OGFR: variants seen among roughly 807,000 people sequenced by gnomAD.
OGFR encodes protein 7-60.
In OGFR, 18 loss-of-function variants were observed where a neutral mutation model predicts 33.6. The ratio of observed to expected loss-of-function variants is 0.54; its 90% confidence interval spans 0.37 to 0.80. OGFR has a LOEUF of 0.80. OGFR is among the 30% of genes least tolerant of loss of function. The pLI is 0.00. For synonymous variants in OGFR, 370 were observed against 400.7 expected, an observed-to-expected ratio of 0.92 and a Z score of 0.91; for missense variants, 877 against 955.8, an observed-to-expected ratio of 0.92 and a Z score of 1.09.
chr20:62,811,091 G>A (rs1017870091), intron 5 of OGFR, among the ~76,000 whole-genome samples: 13 of 152,252 alleles, frequency 8.5e-5, no homozygotes, highest in Admixed American at 3.3e-4. Context: ...GCTAGGTGCC[G>A]TGGCTCACGT....
intron 1 of OGFR, chr20:62,805,328 T>C (rs1990562662): frequency 4.9e-6 from 1 of 205,442 alleles, no homozygotes; most frequent in African/African-American, 2.3e-5. Flanking sequence ...CCGCCCCTGA[T>C]GGAACCCCTC....
chr20:62,805,194 C>T (rs1990558464), intron 1 of OGFR, among the ~76,000 whole-genome samples, 164 bp downstream of exon 1: 2 of 151,914 alleles, frequency 1.3e-5, no homozygotes, highest in Admixed American at 1.3e-4. Context: ...GCCCCAGGGC[C>T]CGGCGGGGAA....
rs557077257 is a variant in OGFR, at chr20:62,809,525, G to T, written c.320-60G>T. 3 of 1,324,558 alleles carry T rather than the reference G, an allele frequency of 2.3e-6. No individual in the cohort carries two copies. The African/African-American group carries it at 4.3e-5, about 19-fold the overall frequency. 82.1% of individuals were successfully genotyped at this position (1,324,558 alleles called of 1,614,324 possible). A position where few individuals can be genotyped will look rare whatever the true frequency, so the allele number is the denominator to read the frequency against. The stretch of plus-strand genomic sequence containing the variant: ...TCCTTATGTCCCCCACCCACACCCC[G>T]TCCTCCTGAGCACGGGCAGGGTGGC... On this transcript the variant is annotated intron_variant, in intron 3 of 6. Transcript: ENST00000290291.
chr20:62,811,387 C>A, intron 5 of OGFR, 75 bp from the exon 6 acceptor site: 1 of 1,536,668 alleles, frequency 6.5e-7, no homozygotes, highest in Non-Finnish European at 8.9e-7. Context: ...TGAGTCGGGA[C>A]CCACGGCCAC....
Position 62,812,296 on chromosome 20 carries a change from C to G in OGFR, c.681C>G (p.His227Gln), listed in dbSNP as rs374205442. Residue 227 changes from histidine (H) to glutamine (Q), a missense_variant, in exon 7 of 7, where the codon CAC (histidine) becomes CAG (glutamine). Around this residue, in one of 3 missense-constraint regions of OGFR, gnomAD observed 760 missense variants for 736.0 expected, o/e 1.03. Transcript: ENST00000290291. ...CGCTGGGTGAGCTGGGCCTCGAGCACTTCCAGGCGCCGCTGGTCCGCTTCT... is the reference window on the plus strand; with the variant it reads ...CGCTGGGTGAGCTGGGCCTCGAGCAGTTCCAGGCGCCGCTGGTCCGCTTCT... The part of the protein sequence containing the change: ...LKSLGELGLE[H>Q]FQAPLVRFFL... 7.8e-4 allele frequency: 1,208 copies of G among 1,547,756 alleles called. 16 individuals carry two copies. In the South Asian group the frequency reaches 0.013, roughly 17 times the overall value.
At chr20:62,805,082 G>C in intron 1 of OGFR, 52 bp downstream of exon 1, 1 of 1,271,742 alleles carries the variant, frequency 7.9e-7, no homozygotes, top group Non-Finnish European at 9.9e-7. Flanking sequence ...CCCCCCGCCC[G>C]GCTGCGTGGA....
rs1321105115 is a variant in OGFR, at chr20:62,812,351, C to T, written c.736C>T (p.Leu246=). 1 of 1,559,048 alleles carries T rather than the reference C, an allele frequency of 6.4e-7. No individual in the cohort carries two copies. The highest frequency in any genetic ancestry group is 2.4e-5 in the East Asian group (1 of 41,426). ...FLEETLVRRE[L]PGVRQSALDY... ...GGAGGAGACGCTGGTGCGGCGGGAG[C>T]TGCCGGGGGTGCGGCAGAGTGCCCT... The change falls in exon 7 of 7, where the codon CTG becomes TTG. Residue 246 remains leucine (L), a synonymous_variant. Transcript: ENST00000290291.
rs143095916 is a variant in OGFR, at chr20:62,808,279, G to A, written c.273G>A (p.Thr91=). The A allele has an allele frequency of 1.9e-6, 3 of 1,613,438 alleles. No homozygotes were observed. Among genetic ancestry groups the A allele is most frequent in the South Asian group, 1.1e-5 (1 of 91,082 alleles). ...DLVERDCNGD[T]PNLSFYRNEI... is the part of the protein sequence containing the mutation. The stretch of plus-strand genomic sequence containing the variant: ...TGGAACGAGACTGCAATGGGGACAC[G>A]CCAAACCTGAGTTTCTACAGAAATG... Residue 91 remains threonine (T), a synonymous_variant, in exon 3 of 7, where the codon ACG becomes ACA. Transcript: ENST00000290291.
In OGFR at chr20:62,812,568, A is replaced by G; in HGVS notation, c.953A>G (p.Asp318Gly). ...GTGGAGGAGGAAGGAAGCCCCGGGG[A>G]CCCCGACCACGAGGCCAGCACCCAG... ...RKVEEEGSPG[D>G]PDHEASTQGR... The change falls in exon 7 of 7, where the codon GAC becomes GGC. Residue 318 changes from aspartate to glycine, a missense_variant. By Grantham distance (94) the Asp-to-Gly change is moderately conservative. This residue lies in a region of OGFR where 760 missense variants were observed against 736.0 expected (regional missense o/e 1.03). Transcript: ENST00000290291. The G allele has an allele frequency of 1.3e-6, 2 of 1,578,318 alleles. No individual in the cohort carries two copies. Among genetic ancestry groups the G allele is most frequent in the Non-Finnish European group, 1.7e-6 (2 of 1,162,588 alleles).
At chr20:62,808,494 G>C (rs1169708557) in intron 3 of OGFR, among the ~76,000 whole-genome samples, 169 bp downstream of exon 3, 1 of 152,146 alleles carries the variant, frequency 6.6e-6, no homozygotes, top group Non-Finnish European at 1.5e-5. Flanking sequence ...TCCCCGGCTT[G>C]GGATCTCCGC....
Position 62,812,669 on chromosome 20 carries a change from C to A in OGFR, c.1054C>A (p.Pro352Thr). The change falls in exon 7 of 7, where the codon CCC becomes ACC. Residue 352 changes from proline (P) to threonine (T), a missense_variant. Transcript: ENST00000290291. The part of the protein sequence containing the change: ...DEGPQPRSVE[P>T]QDAGPLERSQ... ...GGGGCCCCAGCCACGGAGCGTGGAG[C>A]CCCAGGATGCGGGACCCCTGGAGAG... 1.3e-6 allele frequency: 2 copies of A among 1,566,352 alleles called. No individual in the cohort carries two copies. Among genetic ancestry groups the A allele is most frequent in the Non-Finnish European group, 8.6e-7 (1 of 1,156,126 alleles).
In OGFR at chr20:62,812,472, G is replaced by T; in HGVS notation, c.857G>T (p.Trp286Leu). 1 of 1,578,466 alleles carries T rather than the reference G, an allele frequency of 6.3e-7. No homozygotes were observed. The highest frequency in any genetic ancestry group is 8.6e-7 in the Non-Finnish European group (1 of 1,162,544). Residue 286 changes from tryptophan (W) to leucine (L), a missense_variant, in exon 7 of 7, where the codon TGG becomes TTG. Physicochemically the swap from Trp to Leu is moderately conservative, Grantham distance 61. Coordinates refer to ENST00000290291, the MANE Select transcript of OGFR (RefSeq NM_007346.4). ...TTCCGGCCCCGCTGCAAGTTCGTCTGGGGGCCCCAAGACAAGCTGCGGAGG... is the reference window on the plus strand; with the variant it reads ...TTCCGGCCCCGCTGCAAGTTCGTCTTGGGGCCCCAAGACAAGCTGCGGAGG... ...EHFRPRCKFV[W>L]GPQDKLRRFK...
At position 62,812,233 on chromosome 20, in the gene OGFR, C is replaced by G. The variant is rs900602512; in HGVS notation, c.618C>G (p.Arg206=). 5 of 1,500,346 alleles carry G rather than the reference C, an allele frequency of 3.3e-6. No individual in the cohort carries two copies. The highest frequency in any genetic ancestry group is 4.5e-6 in the Non-Finnish European group (5 of 1,121,064). The allele number at this position is 1,500,346 out of a possible 1,614,324, so 92.9% of individuals were successfully genotyped here. A position where few individuals can be genotyped will look rare whatever the true frequency, so the allele number is the denominator to read the frequency against. Residue 206 remains arginine (R), a synonymous_variant, in exon 7 of 7, where the codon CGC becomes CGG. Transcript: ENST00000290291. ...TCCTGACCCGGATCTCTCGCAGGCG[C>G]AGCCACAACAACCTCCGCATCACAC... The part of the protein sequence containing the change: ...YQKRFQNLNW[R]SHNNLRITRI...
chr20:62,807,666 G>C, intron 2 of OGFR, 61 bp downstream of exon 2: 1 of 1,534,078 alleles, frequency 6.5e-7, no homozygotes, highest in Non-Finnish European at 9.0e-7. Flanking sequence ...TTCTCAGGCA[G>C]AATGTCCCAG....
rs1247466903 is a variant in OGFR at position 62,812,259 on chromosome 20, G to A, written c.644G>A (p.Arg215His). Residue 215 changes from arginine (R) to histidine (H), a missense_variant, in exon 7 of 7, where the codon CGC becomes CAC. Physicochemically the swap from Arg to His is conservative, Grantham distance 29. This residue lies in a region of OGFR where 760 missense variants were observed against 736.0 expected (regional missense o/e 1.03). Coordinates refer to ENST00000290291, the MANE Select transcript of OGFR (RefSeq NM_007346.4). ...AGCCACAACAACCTCCGCATCACAC[G>A]CATCCTCAAGTCGCTGGGTGAGCTG... The part of the protein sequence containing the change: ...WRSHNNLRIT[R>H]ILKSLGELGL... 3 of 1,527,194 alleles carry A rather than the reference G, an allele frequency of 2.0e-6. No individual in the cohort carries two copies. The highest frequency in any genetic ancestry group is 2.6e-6 in the Non-Finnish European group (3 of 1,135,914). 94.6% of individuals were successfully genotyped at this position (1,527,194 alleles called of 1,614,324 possible).
chr20:62,804,865 C>A lies in OGFR; in HGVS notation c.6C>A (p.Asp2Glu), dbSNP rs1235137529. 5 of 1,474,774 alleles carry A rather than the reference C, an allele frequency of 3.4e-6. 1 individual carries two copies. The allele number at this position is 1,474,774 out of a possible 1,614,324, so 91.4% of individuals were successfully genotyped here. The change falls in exon 1 of 7, where the codon GAC becomes GAA. Residue 2 changes from aspartate to glutamate, a missense_variant. Coordinates refer to ENST00000290291, the MANE Select transcript of OGFR (RefSeq NM_007346.4). M[D>E]DPDCDSTWEE... The stretch of plus-strand genomic sequence containing the variant: ...GAGCCCCGCCGCCGCCGAGCATGGA[C>A]GACCCCGACTGCGACTCCACCTGGG...
chr20:62,809,510 C>A, intron 3 of OGFR, 75 bp from the exon 4 acceptor site: 1 of 1,112,772 alleles, frequency 9.0e-7, no homozygotes, highest in Non-Finnish European at 1.4e-6. Context: ...TCCTTATGTC[C>A]CCCACCCACA....
At chr20:62,810,388 G>C (rs1341911828) in intron 4 of OGFR, 111 bp from the exon 5 acceptor site, 9 of 1,040,830 alleles carry the variant, frequency 8.6e-6, no homozygotes, top group Middle Eastern at 2.1e-4. Context: ...CTAGAGTTGA[G>C]CCTGGGAACC....
Position 62,812,983 on chromosome 20 carries a change from G to GA in OGFR, c.1370dup (p.Arg458AlafsTer6). The GA allele has an allele frequency of 6.2e-7, 1 of 1,611,882 alleles. No homozygotes were observed. The highest frequency in any genetic ancestry group is 8.5e-7 in the Non-Finnish European group (1 of 1,179,554). On this transcript the variant is annotated frameshift_variant, in exon 7 of 7. Transcript: ENST00000290291. LOFTEE classifies it low-confidence loss of function (END_TRUNC). ...GAGCCAGGGTGGCCGACAAGGTGAG[G>GA]AAGCGGAGGAAGGTGGATGAGGGTG... is the stretch of plus-strand genomic sequence containing the variant.
Sources: gnomAD v4.1 joint callset for allele counts (sites outside exome capture counted in the v4.1 genomes callset) on GRCh38, gnomAD v4.1.1 for gene constraint, gnomAD v4.1.1 regional missense constraint, MANE v1.5 for transcripts, NCBI Gene and HGNC (gene_info 2026-07-23, HGNC 2026-07-21) for gene names.